Variants in GSE1 observed in about 807,000 individuals in gnomAD.
The protein encoded by GSE1 is Gse1 coiled-coil protein.
A neutral mutation model predicts 112.6 loss-of-function variants in GSE1; 32 were observed. The observed-to-expected ratio is 0.28, with a 90% CI of 0.21 to 0.38. GSE1 has a LOEUF of 0.38. Ranked by LOEUF, GSE1 falls within the 10% of genes least tolerant of loss-of-function variation. The probability of loss-of-function intolerance (pLI) is 1.00; values close to 1 mark genes in which losing one functional copy is unlikely to be tolerated. For synonymous variants in GSE1, 1,115 were observed against 735.6 expected (o/e 1.52, Z -8.35); for missense variants, 2,348 against 1,699.2 (o/e 1.38, Z -6.71).
At chr16:85,398,704 G>A (rs1170587677) in intron 2 of GSE1, among the ~76,000 whole-genome samples, 1 of 152,164 alleles carries the variant, frequency 6.6e-6, no homozygotes, top group Non-Finnish European at 1.5e-5. Flanking sequence ...CAACTTTAGT[G>A]TCAGAGCCAG....
chr16:85,657,376 A>G lies in GSE1; in HGVS notation c.1412A>G (p.Asn471Ser). Residue 471 changes from asparagine (N) to serine (S), a missense_variant, in exon 8 of 16, where the codon AAC becomes AGC. Transcript: ENST00000253458. Reference protein sequence around the residue: ...PHHTVPSLISNHGIFSLPSSS... With the variant: ...PHHTVPSLISSHGIFSLPSSS... ...CACACGGTGCCCAGCCTCATCTCCAACCATGGCATCTTCTCTCTGCCTAGC... is the reference window on the plus strand; with the variant it reads ...CACACGGTGCCCAGCCTCATCTCCAGCCATGGCATCTTCTCTCTGCCTAGC... 6.2e-7 allele frequency: 1 copy of G among 1,612,402 alleles called. No individual in the cohort carries two copies. Among genetic ancestry groups the G allele is most frequent in the Non-Finnish European group, 8.5e-7 (1 of 1,179,790 alleles).
chr16:85,205,759 C>G (rs923510574), intron 1 of GSE1, among the ~76,000 whole-genome samples: 2 of 152,134 alleles, frequency 1.3e-5, no homozygotes, highest in African/African-American at 4.8e-5. Context: ...GGAGCGGGAC[C>G]CAGGGGCCCA....
intron 4 of GSE1, 86 bp from the exon 5 acceptor site, chr16:85,654,708 G>C: frequency 1.2e-6 from 1 of 862,786 alleles, no homozygotes; most frequent in South Asian, 1.4e-5. Context: ...AGCGCCAGGG[G>C]TGATGCAGGG....
chr16:85,374,965 G>A (rs1226271501), intron 2 of GSE1, among the ~76,000 whole-genome samples: 1 of 152,202 alleles, frequency 6.6e-6, no homozygotes, highest in East Asian at 1.9e-4. Flanking sequence ...TTGCCCCCGA[G>A]TGTCATGGTA....
intron 2 of GSE1, among the ~76,000 whole-genome samples, chr16:85,489,541 A>G (rs1326569538): frequency 1.3e-5 from 2 of 148,964 alleles, no homozygotes. Context: ...GCCAGTGCCC[A>G]CCCCGCAGCG....
chr16:85,503,083 GT>G (rs1284472377), intron 2 of GSE1, among the ~76,000 whole-genome samples: 12 of 152,204 alleles, frequency 7.9e-5, no homozygotes, highest in Non-Finnish European at 1.8e-4. Context: ...ACATTGAGGG[GT>G]GCCCCGGGCA....
intron 2 of GSE1, among the ~76,000 whole-genome samples, chr16:85,430,853 C>T (rs1255539954): frequency 5.3e-5 from 8 of 152,190 alleles, no homozygotes; most frequent in Admixed American, 2.0e-4. Flanking sequence ...TGCAGGTTGC[C>T]GGGCCCTGCC....
At chr16:85,182,983 C>G (rs888703588) in intron 1 of GSE1, among the ~76,000 whole-genome samples, 1 of 152,172 alleles carries the variant, frequency 6.6e-6, no homozygotes, top group African/African-American at 2.4e-5. Flanking sequence ...CCCACCCACA[C>G]ACTTGTATGC....
At chr16:85,506,047 C>G (rs1018920842) in intron 2 of GSE1, among the ~76,000 whole-genome samples, 11 of 152,110 alleles carry the variant, frequency 7.2e-5, no homozygotes, top group Non-Finnish European at 1.5e-4. Context: ...ATGGCGCGTT[C>G]CAAGAGGGAC....
intron 3 of GSE1, among the ~76,000 whole-genome samples, chr16:85,652,551 C>T (rs758694875): frequency 5.9e-5 from 9 of 151,764 alleles, no homozygotes; most frequent in Non-Finnish European, 8.8e-5. Flanking sequence ...TTCCAGGCGG[C>T]GGCGGCGGCG....
intron 1 of GSE1, among the ~76,000 whole-genome samples, chr16:85,345,675 C>G (rs1265645740): frequency 6.6e-6 from 1 of 152,230 alleles, no homozygotes; most frequent in African/African-American, 2.4e-5. Context: ...CCTTATGGCA[C>G]TTCCTACTGA....
chr16:85,523,922 G>A (rs1015420832), intron 2 of GSE1, among the ~76,000 whole-genome samples: 25 of 152,228 alleles, frequency 1.6e-4, no homozygotes, highest in Admixed American at 1.2e-3. Context: ...GGGCGCAGGA[G>A]GGGGCAGCTT....
chr16:85,417,546 C>T (rs1439345158), intron 2 of GSE1, among the ~76,000 whole-genome samples: 1 of 152,262 alleles, frequency 6.6e-6, no homozygotes, highest in African/African-American at 2.4e-5. Context: ...AGGAAGCTCA[C>T]CTCTACCACT....
At chr16:85,302,045 C>G (rs76823976) in intron 1 of GSE1, among the ~76,000 whole-genome samples, 39 of 152,182 alleles carry the variant, frequency 2.6e-4, no homozygotes, top group Non-Finnish European at 4.4e-4. Flanking sequence ...CCTCCCTCCC[C>G]GGCTGAGCTG....
chr16:85,515,788 A>G (rs1033990296), intron 2 of GSE1, among the ~76,000 whole-genome samples: 2 of 152,094 alleles, frequency 1.3e-5, no homozygotes, highest in Admixed American at 6.5e-5. Flanking sequence ...CCCCCAGCAC[A>G]TGTGGACAGA....
intron 1 of GSE1, among the ~76,000 whole-genome samples, chr16:85,259,931 G>T (rs976816863): frequency 2.0e-5 from 3 of 152,230 alleles, no homozygotes; most frequent in Non-Finnish European, 4.4e-5. Flanking sequence ...GGGCTGGATG[G>T]TGACCACTCA....
At chr16:85,254,528 A>G (rs1906860086) in intron 1 of GSE1, among the ~76,000 whole-genome samples, 1 of 152,234 alleles carries the variant, frequency 6.6e-6, no homozygotes, top group African/African-American at 2.4e-5. Flanking sequence ...AATGAGCGTC[A>G]TCAATTGAGA....
chr16:85,385,637 GA>G (rs2047671879), intron 2 of GSE1, among the ~76,000 whole-genome samples: 1 of 152,210 alleles, frequency 6.6e-6, no homozygotes, highest in South Asian at 2.1e-4. Flanking sequence ...GCTGCTGACA[GA>G]TGGTCATGAG....
chr16:85,635,764 A>T (rs2049943827), intron 2 of GSE1, among the ~76,000 whole-genome samples: 1 of 152,152 alleles, frequency 6.6e-6, no homozygotes, highest in East Asian at 1.9e-4. Context: ...TCCTGCTTTC[A>T]TCCAGCAGCT....
Sources: allele counts gnomAD v4.1 joint callset (sites outside exome capture counted in the v4.1 genomes callset), GRCh38; gene constraint gnomAD v4.1.1; transcripts MANE v1.5; gene names NCBI Gene and HGNC (gene_info 2026-07-23, HGNC 2026-07-21).